POU2AF2: variants seen among roughly 807,000 people sequenced by gnomAD.
POU2AF2 encodes POU domain class 2-associating factor 2.
chr11:111,251,790 C>T, the POU2AF2 span, among the ~76,000 whole-genome samples: 1 of 152,220 alleles, frequency 6.6e-6, no homozygotes, highest in Non-Finnish European at 1.5e-5. Context: ...TCTTTGAGGA[C>T]ATCTGCTATA....
the POU2AF2 span, among the ~76,000 whole-genome samples, chr11:111,256,361 A>C: frequency 6.6e-6 from 1 of 152,184 alleles, no homozygotes; most frequent in Non-Finnish European, 1.5e-5. Context: ...AAGAGTTTTC[A>C]TGCCCTTTTT....
chr11:111,245,954 A>G, the POU2AF2 span: 1 of 396,614 alleles, frequency 2.5e-6, no homozygotes, highest in Non-Finnish European at 4.4e-6. Context: ...AACAAAGGTT[A>G]AGGAGAAATC....
chr11:111,248,606 C>T, the POU2AF2 span, among the ~76,000 whole-genome samples: 19 of 152,304 alleles, frequency 1.2e-4, 1 homozygote, highest in South Asian at 3.7e-3. Context: ...TCACATAACT[C>T]AGAATATAAA....
the POU2AF2 span, among the ~76,000 whole-genome samples, chr11:111,278,497 C>T: frequency 2.6e-5 from 4 of 151,968 alleles, no homozygotes; most frequent in South Asian, 2.1e-4. Context: ...CAGGTGAATC[C>T]CTCTAATGGG....
At chr11:111,280,040 C>CA in the POU2AF2 span, among the ~76,000 whole-genome samples, 86 of 72,556 alleles carry the variant, frequency 1.2e-3, 2 homozygotes, top group African/African-American at 2.2e-3. Context: ...GACTCCATCT[C>CA]AAAAAAAAAA....
At chr11:111,268,230 C>T in the POU2AF2 span, among the ~76,000 whole-genome samples, 1 of 152,058 alleles carries the variant, frequency 6.6e-6, no homozygotes, top group Non-Finnish European at 1.5e-5. Context: ...AGCTTTGGAC[C>T]GAGGCATCCC....
chr11:111,269,669 A>G, the POU2AF2 span, among the ~76,000 whole-genome samples: 4 of 152,192 alleles, frequency 2.6e-5, no homozygotes, highest in African/African-American at 7.2e-5. Flanking sequence ...ACCAAAGTGC[A>G]TCTCAGTGAC....
At chr11:111,284,209 C>T in the POU2AF2 span, 3 of 1,614,120 alleles carry the variant, frequency 1.9e-6, no homozygotes, top group African/African-American at 4.0e-5. Flanking sequence ...GTGAGTCCTC[C>T]GCAGGGCAGA....
chr11:111,280,244 G>T, the POU2AF2 span, among the ~76,000 whole-genome samples: 1 of 151,650 alleles, frequency 6.6e-6, no homozygotes, highest in Non-Finnish European at 1.5e-5. Flanking sequence ...CACAGTCAAG[G>T]TCCCTACAGT....
chr11:111,276,004 G>A, the POU2AF2 span, among the ~76,000 whole-genome samples: 1 of 152,094 alleles, frequency 6.6e-6, no homozygotes, highest in East Asian at 1.9e-4. Context: ...AGAGGTTAAG[G>A]GATTTTGAGG....
the POU2AF2 span, among the ~76,000 whole-genome samples, chr11:111,269,643 T>C: frequency 7.2e-5 from 11 of 152,320 alleles, no homozygotes; most frequent in East Asian, 2.1e-3. Flanking sequence ...GATGTAGTTC[T>C]GCAGATTCTG....
the POU2AF2 span, among the ~76,000 whole-genome samples, chr11:111,254,156 C>A: frequency 1.3e-5 from 2 of 152,138 alleles, no homozygotes; most frequent in African/African-American, 4.8e-5. Flanking sequence ...TTAGGCTTTT[C>A]CAAAAGTAGA....
At chr11:111,284,569 A>G in the POU2AF2 span, among the ~76,000 whole-genome samples, 17 of 152,232 alleles carry the variant, frequency 1.1e-4, no homozygotes, top group African/African-American at 4.1e-4. Flanking sequence ...CCTGTTAGCC[A>G]TGACAGCCAG....
the POU2AF2 span, among the ~76,000 whole-genome samples, chr11:111,264,573 A>AAAGG: frequency 9.4e-5 from 3 of 31,796 alleles, 1 homozygote; most frequent in Non-Finnish European, 1.9e-4. Context: ...AGAAAGAAAG[A>AAAGG]AAGGGAGAGA....
chr11:111,276,453 A>AAAAAAAATATAT, the POU2AF2 span, among the ~76,000 whole-genome samples: 50 of 37,658 alleles, frequency 1.3e-3, no homozygotes, highest in African/African-American at 2.7e-3. Context: ...AAAAAAAAAA[A>AAAAAAAATATAT]ATATATATAT....
At chr11:111,263,652 C>T in the POU2AF2 span, among the ~76,000 whole-genome samples, 33 of 152,120 alleles carry the variant, frequency 2.2e-4, no homozygotes, top group South Asian at 1.0e-3. Flanking sequence ...AGGCTGGTCT[C>T]GGACTCCTGA....
At chr11:111,286,073 T>G in the POU2AF2 span, 1 of 1,599,118 alleles carries the variant, frequency 6.3e-7, no homozygotes, top group East Asian at 2.2e-5. Flanking sequence ...CCAAATGACT[T>G]CTGGGTTTTT....
the POU2AF2 span, among the ~76,000 whole-genome samples, chr11:111,259,508 G>T: frequency 6.6e-6 from 1 of 151,974 alleles, no homozygotes; most frequent in African/African-American, 2.4e-5. Context: ...TAGAGACGGG[G>T]TTTCACCATG....
At chr11:111,280,057 A>AAAAATATATATATATATATAT in the POU2AF2 span, among the ~76,000 whole-genome samples, 11 of 76,472 alleles carry the variant, frequency 1.4e-4, no homozygotes, top group Non-Finnish European at 2.0e-4. Context: ...AAAAAAAAAA[A>AAAAATATATATATATATATAT]ATATATATAT....
Sources: gnomAD v4.1 joint callset for allele counts (sites outside exome capture counted in the v4.1 genomes callset) on GRCh38, gnomAD v4.1.1 for gene constraint, MANE v1.5 for transcripts, NCBI Gene and HGNC (gene_info 2026-07-23, HGNC 2026-07-21) for gene names.